Variants in GALNTL6 observed in about 807,000 individuals in gnomAD.
The protein encoded by GALNTL6 is polypeptide N-acetylgalactosaminyltransferase-like 6.
In GALNTL6, 46 loss-of-function variants were observed where a neutral mutation model predicts 73.7. The ratio of observed to expected loss-of-function variants is 0.62; its 90% CI spans 0.49 to 0.80. The LOEUF (loss-of-function observed/expected upper bound fraction) is 0.80, where lower values mean the gene tolerates loss of function less well. GALNTL6 is among the 30% of genes least tolerant of loss of function. The pLI is 0.00. For missense variants in GALNTL6, 604 were observed against 755.0 expected (o/e 0.80, Z 2.34); for synonymous variants, 259 against 263.7 (o/e 0.98, Z 0.17).
intron 3 of GALNTL6, among the ~76,000 whole-genome samples, chr4:172,259,601 C>T (rs921065081): frequency 6.6e-6 from 1 of 151,436 alleles, no homozygotes; most frequent in African/African-American, 2.4e-5. Flanking sequence ...TATACAGAAG[C>T]TTTTGAGTTT....
chr4:172,033,895 CTGAATTATCTGTG>C (rs1464286687), intron 2 of GALNTL6, among the ~76,000 whole-genome samples: 1 of 152,112 alleles, frequency 6.6e-6, no homozygotes, highest in African/African-American at 2.4e-5. Context: ...TTGGAGACTT[CTGAATTATCTGTG>C]TATATCCTAA....
chr4:172,319,024 T>A (rs1037364463), intron 4 of GALNTL6, among the ~76,000 whole-genome samples: 2 of 152,208 alleles, frequency 1.3e-5, no homozygotes, highest in African/African-American at 4.8e-5. Context: ...AAGGTTTATC[T>A]AGCAACTGTA....
At chr4:172,225,922 A>G (rs1736849388) in intron 2 of GALNTL6, among the ~76,000 whole-genome samples, 1 of 152,198 alleles carries the variant, frequency 6.6e-6, no homozygotes, top group Non-Finnish European at 1.5e-5. Context: ...AAGCAGTTTC[A>G]GATGGTCTGA....
At chr4:172,102,904 G>A (rs1389937412) in intron 2 of GALNTL6, among the ~76,000 whole-genome samples, 1 of 152,164 alleles carries the variant, frequency 6.6e-6, no homozygotes, top group African/African-American at 2.4e-5. Context: ...GAGAGATGTA[G>A]GGTTAGGAGT....
intron 2 of GALNTL6, among the ~76,000 whole-genome samples, chr4:172,177,304 C>T (rs369153725): frequency 1.7e-4 from 26 of 151,972 alleles, no homozygotes; most frequent in East Asian, 7.7e-4. Flanking sequence ...TAGTGACATA[C>T]GTGAAGTAAT....
chr4:171,973,282 G>A (rs141223069), intron 2 of GALNTL6, among the ~76,000 whole-genome samples: 1,717 of 152,280 alleles, frequency 0.011, 20 homozygotes, highest in Middle Eastern at 0.034. Context: ...TGCTAGGGCT[G>A]CCATAAGGAA....
chr4:172,833,403 G>A (rs554392080), intron 7 of GALNTL6, among the ~76,000 whole-genome samples: 1 of 152,220 alleles, frequency 6.6e-6, no homozygotes, highest in South Asian at 2.1e-4. Flanking sequence ...ACTGGGGAAG[G>A]CATCTTTTCT....
intron 2 of GALNTL6, among the ~76,000 whole-genome samples, chr4:171,966,750 A>G (rs1053228378): frequency 4.6e-5 from 7 of 152,150 alleles, no homozygotes; most frequent in African/African-American, 1.4e-4. Context: ...CCTGATCCCA[A>G]TTCTTGATTC....
At chr4:172,547,464 G>A (rs980864648) in intron 5 of GALNTL6, among the ~76,000 whole-genome samples, 2 of 152,058 alleles carry the variant, frequency 1.3e-5, no homozygotes, top group Non-Finnish European at 2.9e-5. Flanking sequence ...CACTCCCAAA[G>A]AATATATAGC....
At position 172,671,323 on chromosome 4, in the gene GALNTL6, C is replaced by A. The variant is rs576258802; in HGVS notation, c.554-138038C>A. ...CATTTGTTTGTGTTATCTCCGATTT[C>A]TTTGAGTACTGTTTGGTAGTTCTCC... is the stretch of plus-strand genomic sequence containing the variant. On this transcript the variant is annotated intron_variant, in intron 5 of 12. Coordinates refer to ENST00000506823, the MANE Select transcript of GALNTL6 (RefSeq NM_001034845.3). Among the ~76,000 whole-genome samples the A allele has an allele frequency of 6.2e-4, 94 of 152,070 alleles. 1 individual carries two copies. The highest frequency in any genetic ancestry group is 1.2e-3 in the Non-Finnish European group (83 of 68,016).
intron 5 of GALNTL6, among the ~76,000 whole-genome samples, chr4:172,497,628 G>A (rs1041304736): frequency 5.3e-5 from 8 of 152,206 alleles, no homozygotes; most frequent in African/African-American, 1.4e-4. Context: ...GTAGTATTGG[G>A]CTTAGTGTCT....
At position 172,679,191 on chromosome 4, in the gene GALNTL6, C is replaced by T. The variant is rs138939501; in HGVS notation, c.554-130170C>T. ...GTTCGGGAGGCCAAGGTGGGCAGAT[C>T]GCCTGAGGCCAGGAGTTCAAAACCA... On this transcript the variant is annotated intron_variant, in intron 5 of 12. Coordinates refer to ENST00000506823, the MANE Select transcript of GALNTL6 (RefSeq NM_001034845.3). Among the ~76,000 whole-genome samples, 53 of 152,248 alleles carry T rather than the reference C, an allele frequency of 3.5e-4. 1 individual carries two copies. The highest frequency in any genetic ancestry group is 6.3e-4 in the Non-Finnish European group (43 of 68,012).
chr4:172,706,262 A>G (rs1055002445), intron 5 of GALNTL6, among the ~76,000 whole-genome samples: 2 of 151,458 alleles, frequency 1.3e-5, no homozygotes, highest in South Asian at 4.2e-4. Flanking sequence ...TGTATTTTTC[A>G]TTTTGACCAT....
At chr4:172,745,664 A>G (rs191609324) in intron 5 of GALNTL6, among the ~76,000 whole-genome samples, 35 of 152,172 alleles carry the variant, frequency 2.3e-4, no homozygotes, top group Non-Finnish European at 4.0e-4. Flanking sequence ...AATGGGAAGA[A>G]TGGGATTCAT....
At chr4:172,196,203 T>A (rs528529316) in intron 2 of GALNTL6, among the ~76,000 whole-genome samples, 8 of 151,994 alleles carry the variant, frequency 5.3e-5, no homozygotes, top group East Asian at 3.9e-4. Flanking sequence ...CTGGAAGAAA[T>A]GGTTAAATTC....
intron 5 of GALNTL6, among the ~76,000 whole-genome samples, chr4:172,424,031 G>A (rs1479856177): frequency 2.6e-5 from 4 of 151,946 alleles, no homozygotes; most frequent in Non-Finnish European, 4.4e-5. Context: ...TACAAAAAAA[G>A]ATTTTGTAGG....
At chr4:172,988,853 G>A (rs1434374899) in intron 10 of GALNTL6, among the ~76,000 whole-genome samples, 1 of 152,248 alleles carries the variant, frequency 6.6e-6, no homozygotes, top group Non-Finnish European at 1.5e-5. Context: ...AAGTCTGCAG[G>A]TGCACAGAAG....
At chr4:172,276,717 G>GTAACATATAGTGTA (rs1738844428) in intron 3 of GALNTL6, among the ~76,000 whole-genome samples, 7 of 151,998 alleles carry the variant, frequency 4.6e-5, no homozygotes, top group Admixed American at 3.9e-4. Context: ...ACTATATGCT[G>GTAACATATAGTGTA]ATTTTAAAAC....
At chr4:172,072,512 C>A (rs1731575383) in intron 2 of GALNTL6, among the ~76,000 whole-genome samples, 1 of 152,124 alleles carries the variant, frequency 6.6e-6, no homozygotes, top group Admixed American at 6.6e-5. Context: ...TACTTGACAT[C>A]TTTACTTGAA....
Sources: gnomAD v4.1 joint callset for allele counts (sites outside exome capture counted in the v4.1 genomes callset) on GRCh38, gnomAD v4.1.1 for gene constraint, MANE v1.5 for transcripts, NCBI Gene and HGNC (gene_info 2026-07-23, HGNC 2026-07-21) for gene names.